Variants in CTNNA1 observed in about 807,000 individuals in gnomAD.
The protein encoded by CTNNA1 is catenin alpha 1.
Under a neutral mutation model 98.4 loss-of-function variants are expected in CTNNA1, and 37 were observed. That is an observed-to-expected ratio of 0.38 (90% confidence interval 0.29 to 0.49). CTNNA1 has a LOEUF of 0.49. CTNNA1 is among the 20% of genes least tolerant of loss of function. The pLI is 0.95. For synonymous variants in CTNNA1, 404 were observed against 413.2 expected, an observed-to-expected ratio of 0.98 and a Z score of 0.27; for missense variants, 761 against 1,147.2, an observed-to-expected ratio of 0.66 and a Z score of 4.86.
rs1349998931 is a variant in CTNNA1 at position 138,874,584 on chromosome 5, GA to G, written c.1063-11626del. On this transcript the variant is annotated intron_variant, in intron 7 of 17. Coordinates refer to ENST00000302763, the MANE Select transcript of CTNNA1 (RefSeq NM_001903.5). The surrounding 1 kb of genome is among the most constrained non-coding windows in gnomAD (Gnocchi z 4.1). ...GCAGAATATAATTTAAGGAAAACAA[GA>G]AGATAGGATATTTTTCAGCAGAACA... 4.3e-6 allele frequency: 6 copies of G among 1,388,636 alleles called. No homozygotes were observed. Among genetic ancestry groups the G allele is most frequent in the Non-Finnish European group, 5.8e-6 (6 of 1,029,236 alleles). 86.0% of individuals were successfully genotyped at this position (1,388,636 alleles called of 1,614,324 possible).
At chr5:138,776,829 G>A (rs1271948565) in intron 1 of CTNNA1, among the ~76,000 whole-genome samples, 3 of 104,854 alleles carry the variant, frequency 2.9e-5, no homozygotes, top group Admixed American at 2.8e-4. Context: ...TCCCGGACGG[G>A]GCGGCTGGCC....
chr5:138,925,165 C>T, intron 12 of CTNNA1, 91 bp from the exon 13 acceptor site: 2 of 1,423,152 alleles, frequency 1.4e-6, no homozygotes, highest in Non-Finnish European at 1.9e-6. Context: ...ATAAGCCTCA[C>T]CTCTTTCTGT....
chr5:138,932,240 CCA>C, intron 16 of CTNNA1: 1 of 1,097,392 alleles, frequency 9.1e-7, no homozygotes, highest in Non-Finnish European at 1.1e-6. Context: ...GCATGGGCCT[CCA>C]CCCTGCCGTT....
chr5:138,755,539 T>C (rs1751539545), intron 1 of CTNNA1, among the ~76,000 whole-genome samples: 2 of 152,198 alleles, frequency 1.3e-5, no homozygotes, highest in Non-Finnish European at 2.9e-5. Context: ...TGGCATCACC[T>C]TCACTCCCAT....
intron 3 of CTNNA1, among the ~76,000 whole-genome samples, chr5:138,801,014 A>G (rs953869049): frequency 1.3e-5 from 2 of 152,218 alleles, no homozygotes; most frequent in African/African-American, 4.8e-5. Flanking sequence ...TGTACTAAAC[A>G]TGATGAATGA....
Position 138,855,327 on chromosome 5 carries a change from G to A in CTNNA1, c.1062+27609G>A, listed in dbSNP as rs61608808. ...GCTGTGATTATAGGCGTGAGCCACC[G>A]CGCCCAGCCTCAACTGTCATGTTTT... On this transcript the variant is annotated intron_variant, in intron 7 of 17. Transcript: ENST00000302763. Among the ~76,000 whole-genome samples, 749 of 152,292 alleles carry A rather than the reference G, an allele frequency of 4.9e-3. 2 individuals carry two copies. Among genetic ancestry groups the A allele is most frequent in the African/African-American group, 0.017 (720 of 41,574 alleles).
intron 3 of CTNNA1, among the ~76,000 whole-genome samples, chr5:138,784,134 G>A (rs1755424944): frequency 6.6e-6 from 1 of 152,188 alleles, no homozygotes; most frequent in South Asian, 2.1e-4. Context: ...AAACTCCCAA[G>A]CTCAAACAAT....
At chr5:138,829,682 G>A (rs955646249) in intron 7 of CTNNA1, among the ~76,000 whole-genome samples, 5 of 152,184 alleles carry the variant, frequency 3.3e-5, no homozygotes, top group Admixed American at 6.5e-5. Flanking sequence ...CATGGAGACT[G>A]CAGTAGCATT....
chr5:138,874,307 C>G lies in CTNNA1; in HGVS notation c.1063-11905C>G, dbSNP rs776129690. 26 of 1,614,032 alleles carry G rather than the reference C, an allele frequency of 1.6e-5. No homozygotes were observed. Among genetic ancestry groups the G allele is most frequent in the East Asian group, 2.2e-5 (1 of 44,888 alleles). ...ATCTAAGTGGAGCCAAGTAAGTTGA[C>G]TGAAGCTGGCAAATTGATCTCTTTC... On this transcript the variant is annotated intron_variant, in intron 7 of 17. Transcript: ENST00000302763. This position sits in a 1 kb window ranked among gnomAD's most constrained non-coding sequence, Gnocchi z 4.1.
chr5:138,809,743 T>C (rs939985124), intron 3 of CTNNA1, among the ~76,000 whole-genome samples: 4 of 141,668 alleles, frequency 2.8e-5, no homozygotes, highest in African/African-American at 5.9e-5. Context: ...TATAATGCCC[T>C]TTTTTTTTTA....
At chr5:138,773,996 G>A (rs1753824370) in intron 1 of CTNNA1, among the ~76,000 whole-genome samples, 2 of 152,134 alleles carry the variant, frequency 1.3e-5, no homozygotes, top group African/African-American at 4.8e-5. Context: ...CGATTCTCAT[G>A]CCTCAGCCTC....
chr5:138,894,305 A>G (rs1448105094), intron 9 of CTNNA1, among the ~76,000 whole-genome samples: 1 of 139,340 alleles, frequency 7.2e-6, no homozygotes, highest in Non-Finnish European at 1.6e-5. Flanking sequence ...TTTTTGAGAC[A>G]AGGACTCACT....
intron 7 of CTNNA1, among the ~76,000 whole-genome samples, chr5:138,848,495 C>T (rs1204500749): frequency 6.6e-6 from 1 of 152,084 alleles, no homozygotes; most frequent in Non-Finnish European, 1.5e-5. Flanking sequence ...TCTCTGCTCC[C>T]CCTTTTCTTC....
Position 138,924,548 on chromosome 5 carries a change from G to C in CTNNA1, c.1585G>C (p.Ala529Pro). 1 of 1,614,204 alleles carries C rather than the reference G, an allele frequency of 6.2e-7. No individual in the cohort carries two copies. The highest frequency in any genetic ancestry group is 8.5e-7 in the Non-Finnish European group (1 of 1,180,048). Residue 529 changes from alanine to proline, a missense_variant, in exon 12 of 18, where the codon GCT becomes CCT. Coordinates refer to ENST00000302763, the MANE Select transcript of CTNNA1 (RefSeq NM_001903.5). Reference sequence around the variant, plus strand: ...GGAAGATGTGAACAAATGTGTCATTGCTCTCCAAGAGAAGGATGTGGATGG... The same window carrying C: ...GGAAGATGTGAACAAATGTGTCATTCCTCTCCAAGAGAAGGATGTGGATGG... ...ILEDVNKCVI[A>P]LQEKDVDGLD...
intron 7 of CTNNA1, among the ~76,000 whole-genome samples, chr5:138,851,619 C>T (rs978577584): frequency 2.0e-5 from 3 of 151,086 alleles, no homozygotes; most frequent in African/African-American, 4.9e-5. Flanking sequence ...ATTAGCTGGG[C>T]GCGGTGGCAT....
chr5:138,864,158 A>G (rs1197285171), intron 7 of CTNNA1, among the ~76,000 whole-genome samples: 1 of 152,142 alleles, frequency 6.6e-6, no homozygotes, highest in African/African-American at 2.4e-5. Flanking sequence ...GGGTTTTGCC[A>G]TATTGGCCAG....
chr5:138,811,930 C>T (rs904550480), intron 4 of CTNNA1: 3 of 333,346 alleles, frequency 9.0e-6, no homozygotes, highest in Non-Finnish European at 1.1e-5. Flanking sequence ...AGAGGGAGAC[C>T]GTGGGGAGAG....
At position 138,934,798 on chromosome 5, in the gene CTNNA1, A is replaced by T. The variant is rs1039347503; in HGVS notation, c.*709A>T. 6.6e-6 allele frequency: 1 copy of T among 152,636 alleles called. No individual in the cohort carries two copies. The highest frequency in any genetic ancestry group is 2.4e-5 in the African/African-American group (1 of 41,404). 9.5% of individuals were successfully genotyped at this position (152,636 alleles called of 1,614,324 possible). A position where few individuals can be genotyped will look rare whatever the true frequency, so the allele number is the denominator to read the frequency against. ...CAAATTCATCATTGGGCTCACTTCT[A>T]ATAACTGCAGTGTTTCCCGCCTTGG... is the stretch of plus-strand genomic sequence containing the variant. On this transcript the variant is annotated 3_prime_UTR_variant, in exon 18 of 18. Coordinates refer to ENST00000302763, the MANE Select transcript of CTNNA1 (RefSeq NM_001903.5).
At chr5:138,893,896 A>C (rs2150073248) in intron 9 of CTNNA1, among the ~76,000 whole-genome samples, 1 of 149,864 alleles carries the variant, frequency 6.7e-6, no homozygotes, top group East Asian at 2.0e-4. Flanking sequence ...TGCTGAGATT[A>C]CAGGCGTGAG....
Sources: gnomAD v4.1 joint callset for allele counts (sites outside exome capture counted in the v4.1 genomes callset) on GRCh38, gnomAD v4.1.1 for gene constraint, Gnocchi (gnomAD v3.1) non-coding constraint, MANE v1.5 for transcripts, NCBI Gene and HGNC (gene_info 2026-07-23, HGNC 2026-07-21) for gene names.